Variants in SEL1L observed in about 807,000 individuals in gnomAD.
SEL1L encodes protein sel-1 homolog 1.
SEL1L carries 52 observed loss-of-function variants against 109.8 expected under a neutral mutation model. The observed-to-expected ratio is 0.47, with a 90% confidence interval of 0.38 to 0.60. SEL1L has a LOEUF of 0.60. Among genes scored for constraint, SEL1L ranks in the 20% least tolerant of loss-of-function variants. The pLI is 0.00. For missense variants in SEL1L, 749 were observed against 962.2 expected (o/e 0.78, Z 2.93); for synonymous variants, 373 against 339.6 (o/e 1.10, Z -1.08).
intron 16 of SEL1L, among the ~76,000 whole-genome samples, chr14:81,486,757 G>C (rs535988011): frequency 2.6e-5 from 4 of 151,928 alleles, no homozygotes; most frequent in Non-Finnish European, 5.9e-5. Flanking sequence ...CTTCCCATGA[G>C]ATTCATGAGG....
intron 3 of SEL1L, among the ~76,000 whole-genome samples, chr14:81,522,155 A>T (rs998786002): frequency 6.6e-6 from 1 of 152,244 alleles, no homozygotes; most frequent in Non-Finnish European, 1.5e-5. Context: ...CTAAAACATA[A>T]AAGTTTATAA....
In SEL1L at chr14:81,475,289, T is replaced by C. The variant is rs548877911; in HGVS notation, c.*1683A>G. On this transcript the variant is annotated 3_prime_UTR_variant, in exon 21 of 21. Coordinates refer to ENST00000336735, the MANE Select transcript of SEL1L (RefSeq NM_005065.6). ...TACGCTTTCATACATATGGCTCTCT[T>C]GGTGACTAACTCTTCGAATTTGGAA... The C allele has an allele frequency of 3.3e-5, 5 of 152,562 alleles. No individual in the cohort carries two copies. The highest frequency in any genetic ancestry group is 7.4e-5 in the Non-Finnish European group (5 of 68,012). 9.5% of individuals were successfully genotyped at this position (152,562 alleles called of 1,614,324 possible).
chr14:81,498,356 TA>T, intron 9 of SEL1L, 56 bp downstream of exon 9: 1 of 1,384,694 alleles, frequency 7.2e-7, no homozygotes, highest in Admixed American at 1.9e-5. Flanking sequence ...TAGAAATGTT[TA>T]AAGTTAATTC....
In SEL1L at chr14:81,498,024, T is replaced by C. The variant is rs928575348; in HGVS notation, c.996A>G (p.Thr332=). The C allele has an allele frequency of 3.1e-6, 5 of 1,612,982 alleles. No individual in the cohort carries two copies. In the African/African-American group the frequency reaches 5.3e-5, roughly 17 times the overall value. Residue 332 remains threonine (T), a synonymous_variant, in exon 10 of 21, where the codon ACA becomes ACG. Transcript: ENST00000336735. ...ANHVASDISL[T]GGSVVQRIRL... ...GTATTCTCTGTACTACTGAGCCTCC[T>C]GTTAGCGAGATATCACTAGCAACTG... is the stretch of plus-strand genomic sequence containing the variant.
At chr14:81,478,343 A>G (rs1903234939) in intron 20 of SEL1L, among the ~76,000 whole-genome samples, 1 of 151,726 alleles carries the variant, frequency 6.6e-6, no homozygotes, top group Non-Finnish European at 1.5e-5. Context: ...TTAGTCTTAT[A>G]CTCTCTTTTT....
chr14:81,494,319 C>T (rs942333889), intron 11 of SEL1L, among the ~76,000 whole-genome samples: 4 of 152,152 alleles, frequency 2.6e-5, no homozygotes, highest in Non-Finnish European at 4.4e-5. Context: ...CTTCCTTTAC[C>T]GTAGTTCTAG....
At chr14:81,527,885 C>A in intron 1 of SEL1L, 147 bp from the exon 2 acceptor site, 2 of 530,404 alleles carry the variant, frequency 3.8e-6, no homozygotes, top group Non-Finnish European at 6.4e-6. Context: ...CTATATTCAG[C>A]AATTGTTCAG....
Position 81,504,266 on chromosome 14 carries a change from T to C in SEL1L, c.549A>G (p.Ala183=), listed in dbSNP as rs1276343254. The stretch of plus-strand genomic sequence containing the variant: ...TCATTCCAGTTTGATACATCATTTC[T>C]GCTTCCTGCATCTGCCGTCTCTTAG... The part of the protein sequence containing the change: ...EAAKRRQMQE[A]EMMYQTGMKI... The change falls in exon 5 of 21, where the codon GCA becomes GCG. Residue 183 remains alanine, a synonymous_variant. Coordinates refer to ENST00000336735, the MANE Select transcript of SEL1L (RefSeq NM_005065.6). The C allele has an allele frequency of 1.9e-6, 3 of 1,601,042 alleles. No homozygotes were observed. Among genetic ancestry groups the C allele is most frequent in the Non-Finnish European group, 2.6e-6 (3 of 1,174,154 alleles).
chr14:81,502,993 C>A, intron 5 of SEL1L, 110 bp from the exon 6 acceptor site: 3 of 842,892 alleles, frequency 3.6e-6, no homozygotes, highest in Non-Finnish European at 5.3e-6. Flanking sequence ...TTACAAAACC[C>A]CTTTGATAAT....
intron 4 of SEL1L, among the ~76,000 whole-genome samples, chr14:81,504,619 T>C (rs1884161818): frequency 6.6e-6 from 1 of 152,118 alleles, no homozygotes; most frequent in Admixed American, 6.6e-5. Context: ...TCAACTAAAA[T>C]TTCAGATTAT....
Position 81,489,232 on chromosome 14 carries a change from A to G in SEL1L, c.1395+20T>C. 1.2e-6 allele frequency: 2 copies of G among 1,606,758 alleles called. No individual in the cohort carries two copies. Among genetic ancestry groups the G allele is most frequent in the Non-Finnish European group, 1.7e-6 (2 of 1,173,318 alleles). On this transcript the variant is annotated intron_variant, in intron 14 of 20. Coordinates refer to ENST00000336735, the MANE Select transcript of SEL1L (RefSeq NM_005065.6). ...CAGCTGACTGCTCATTAAAGAGAGA[A>G]TGTCAGACTGAACACTTACAACTTG...
Position 81,474,839 on chromosome 14 carries a change from G to A in SEL1L, c.*2133C>T, listed in dbSNP as rs756451539. ...AAGGCAAGTGGTAAACTAATAAGAAGTGTGTTTTTATATGAACAACAAGAC... is the reference window on the plus strand; with the variant it reads ...AAGGCAAGTGGTAAACTAATAAGAAATGTGTTTTTATATGAACAACAAGAC... On this transcript the variant is annotated 3_prime_UTR_variant, in exon 21 of 21. Coordinates refer to ENST00000336735, the MANE Select transcript of SEL1L (RefSeq NM_005065.6). 1 of 152,202 alleles carries A rather than the reference G, an allele frequency of 6.6e-6. No individual in the cohort carries two copies. Among genetic ancestry groups the A allele is most frequent in the Non-Finnish European group, 1.5e-5 (1 of 68,020 alleles). The allele number at this position is 152,202 out of a possible 1,614,324, so 9.4% of individuals were successfully genotyped here.
In SEL1L at chr14:81,533,796, C is replaced by T. The variant is rs1461160645; in HGVS notation, c.-52G>A. The T allele has an allele frequency of 7.0e-6, 11 of 1,561,110 alleles. No homozygotes were observed. The highest frequency in any genetic ancestry group is 1.4e-5 in the African/African-American group (1 of 73,838). The stretch of plus-strand genomic sequence containing the variant: ...CTAGAGCTGTCGCCTTCGCCTCTGC[C>T]ACCACGGACTCAGCCACCACCGCCG... On this transcript the variant is annotated 5_prime_UTR_variant, in exon 1 of 21. Coordinates refer to ENST00000336735, the MANE Select transcript of SEL1L (RefSeq NM_005065.6).
At chr14:81,491,579 A>G (rs1485388846) in intron 12 of SEL1L, among the ~76,000 whole-genome samples, 2 of 152,204 alleles carry the variant, frequency 1.3e-5, no homozygotes, top group Non-Finnish European at 2.9e-5. Flanking sequence ...GCAAATCATG[A>G]TGAAATTTCC....
In SEL1L at chr14:81,476,857, T is replaced by C; in HGVS notation, c.*115A>G. On this transcript the variant is annotated 3_prime_UTR_variant, in exon 21 of 21. Coordinates refer to ENST00000336735, the MANE Select transcript of SEL1L (RefSeq NM_005065.6). ...CAGCTTTAGGAATTCAATGCTTCCT[T>C]GTGCCGTGCCTCTTCTGGGAGGTGA... 6.1e-6 allele frequency: 6 copies of C among 980,054 alleles called. No homozygotes were observed. The highest frequency in any genetic ancestry group is 9.0e-6 in the Non-Finnish European group (6 of 668,736). 60.7% of individuals were successfully genotyped at this position (980,054 alleles called of 1,614,324 possible). A position where few individuals can be genotyped will look rare whatever the true frequency, so the allele number is the denominator to read the frequency against.
intron 18 of SEL1L, among the ~76,000 whole-genome samples, chr14:81,484,686 A>G (rs1414176215): frequency 6.6e-6 from 1 of 152,220 alleles, no homozygotes; most frequent in Non-Finnish European, 1.5e-5. Context: ...GAAATCTGAA[A>G]TGCTCCAAAA....
chr14:81,498,286 G>T, intron 9 of SEL1L, 127 bp downstream of exon 9: 1 of 846,358 alleles, frequency 1.2e-6, no homozygotes, highest in Non-Finnish European at 1.8e-6. Flanking sequence ...ACCTCAACTA[G>T]TTTAAAGATG....
At chr14:81,477,511 C>T (rs1360334535) in intron 20 of SEL1L, among the ~76,000 whole-genome samples, 1 of 151,962 alleles carries the variant, frequency 6.6e-6, no homozygotes, top group East Asian at 1.9e-4. Flanking sequence ...GAAAACAAAA[C>T]AAAACAAAAC....
rs755300922 is a variant in SEL1L, at chr14:81,526,961, T to C, written c.112A>G (p.Thr38Ala). The change falls in exon 3 of 21, where the codon ACT becomes GCT. Residue 38 changes from threonine to alanine, a missense_variant. Physicochemically the swap from Thr to Ala is moderately conservative, Grantham distance 58. Transcript: ENST00000336735. ...TTTACTGACTCATCTGATGTCAAAG[T>C]AGTCTGAGAATATAAAGTATTTTTA... Reference protein sequence around the residue: ...SQDESLDSKTTLTSDESVKDH... With the variant: ...SQDESLDSKTALTSDESVKDH... 2.5e-6 allele frequency: 4 copies of C among 1,604,700 alleles called. No individual in the cohort carries two copies. Among genetic ancestry groups the C allele is most frequent in the Admixed American group, 3.3e-5 (2 of 59,800 alleles).
Sources: gnomAD v4.1 joint callset for allele counts (sites outside exome capture counted in the v4.1 genomes callset) on GRCh38, gnomAD v4.1.1 for gene constraint, MANE v1.5 for transcripts, NCBI Gene and HGNC (gene_info 2026-07-23, HGNC 2026-07-21) for gene names.